The following PPARGC1A variants were observed in gnomAD, a reference collection of about 807,000 sequenced individuals.
PPARGC1A encodes the protein PPARG coactivator 1 alpha.
A neutral mutation model predicts 88.7 loss-of-function variants in PPARGC1A; 25 were observed. The observed-to-expected ratio is 0.28, with a 90% CI of 0.21 to 0.39. The LOEUF (loss-of-function observed/expected upper bound fraction) is 0.39. Among genes scored for constraint, PPARGC1A ranks in the 10% least tolerant of loss-of-function variants. The pLI, the probability that PPARGC1A is intolerant of heterozygous loss-of-function variation, is 1.00. For missense variants in PPARGC1A, 880 were observed against 968.7 expected (o/e 0.91, Z 1.22); for synonymous variants, 363 against 355.6 (o/e 1.02, Z -0.24).
the PPARGC1A span, among the ~76,000 whole-genome samples, chr4:24,171,490 C>A: frequency 2.0e-5 from 3 of 152,048 alleles, no homozygotes; most frequent in African/African-American, 7.2e-5. Flanking sequence ...GCATTTATCA[C>A]CACCAAACGT....
the PPARGC1A span, among the ~76,000 whole-genome samples, chr4:24,393,494 T>G: frequency 6.6e-6 from 1 of 152,338 alleles, no homozygotes; most frequent in South Asian, 2.1e-4. Context: ...GTAATAGTAT[T>G]AAATCAATTG....
At chr4:23,915,510 T>C in the PPARGC1A span, among the ~76,000 whole-genome samples, 1 of 152,236 alleles carries the variant, frequency 6.6e-6, no homozygotes, top group Non-Finnish European at 1.5e-5. Context: ...TTTTTCTTCA[T>C]AGCATTTATC....
At chr4:24,147,927 G>C in the PPARGC1A span, among the ~76,000 whole-genome samples, 3 of 152,190 alleles carry the variant, frequency 2.0e-5, no homozygotes, top group Non-Finnish European at 2.9e-5. Flanking sequence ...TTGGGCTACA[G>C]AGTGAGACTC....
At chr4:24,031,706 T>C in the PPARGC1A span, among the ~76,000 whole-genome samples, 6 of 152,128 alleles carry the variant, frequency 3.9e-5, no homozygotes, top group Non-Finnish European at 8.8e-5. Context: ...CACCCCTAAA[T>C]GTCCCTGGGT....
the PPARGC1A span, among the ~76,000 whole-genome samples, chr4:24,154,118 C>CA: frequency 0.059 from 8,964 of 152,242 alleles, 895 homozygotes; most frequent in African/African-American, 0.2. Flanking sequence ...CTTCCAAGGT[C>CA]AGGCCCAGTT....
the PPARGC1A span, among the ~76,000 whole-genome samples, chr4:24,026,271 A>C: frequency 3.3e-5 from 5 of 152,112 alleles, no homozygotes; most frequent in African/African-American, 1.2e-4. Flanking sequence ...ATTCATTTGC[A>C]TGATCTGTGG....
At chr4:24,031,917 A>G in the PPARGC1A span, among the ~76,000 whole-genome samples, 2 of 152,180 alleles carry the variant, frequency 1.3e-5, no homozygotes, top group East Asian at 3.9e-4. Flanking sequence ...CCTATGAGGA[A>G]GCTGAAGCCC....
the PPARGC1A span, among the ~76,000 whole-genome samples, chr4:24,392,026 T>G: frequency 2.0e-5 from 3 of 152,254 alleles, no homozygotes; most frequent in African/African-American, 7.2e-5. Flanking sequence ...TTCAATTCAC[T>G]TTGCCAGAGC....
Position 23,802,243 on chromosome 4 carries a change from C to T in PPARGC1A, c.2122G>A (p.Val708Ile), listed in dbSNP as rs753108878. Residue 708 changes from valine (V) to isoleucine (I), a missense_variant, in exon 11 of 13, where the codon GTA becomes ATA. By Grantham distance (29) the Val-to-Ile change is conservative. Coordinates refer to ENST00000264867, the MANE Select transcript of PPARGC1A (RefSeq NM_013261.5). ...TCTCACCCATCATCCCGCAGATTTA[C>T]TGTGCACTCCTCAATTTCACCAAAA... ...EVFGEIEECTVNLRDDGDSYG... is the reference protein window; with the variant it reads ...EVFGEIEECTINLRDDGDSYG... 15 of 1,613,978 alleles carry T rather than the reference C, an allele frequency of 9.3e-6. No homozygotes were observed. The highest frequency in any genetic ancestry group is 5.3e-5 in the African/African-American group (4 of 74,898).
the PPARGC1A span, among the ~76,000 whole-genome samples, chr4:23,930,610 G>A: frequency 1.3e-5 from 2 of 152,136 alleles, no homozygotes; most frequent in Admixed American, 1.3e-4. Flanking sequence ...TATCATTCAA[G>A]CTATGGGGAC....
At chr4:23,874,425 T>G (rs147026130) in intron 2 of PPARGC1A, among the ~76,000 whole-genome samples, 36 of 152,334 alleles carry the variant, frequency 2.4e-4, no homozygotes, top group African/African-American at 8.7e-4. Flanking sequence ...CAGCTGACAC[T>G]GGTTTGTATT....
the PPARGC1A span, among the ~76,000 whole-genome samples, chr4:24,226,167 G>A: frequency 6.6e-6 from 1 of 152,108 alleles, no homozygotes; most frequent in South Asian, 2.1e-4. Context: ...CCAGTGACAT[G>A]ATGATTTCCT....
chr4:24,294,359 A>T, the PPARGC1A span, among the ~76,000 whole-genome samples: 12 of 152,166 alleles, frequency 7.9e-5, no homozygotes, highest in Non-Finnish European at 1.5e-4. Context: ...TAAAATGTAT[A>T]TTACAGTTCC....
the PPARGC1A span, among the ~76,000 whole-genome samples, chr4:24,017,390 T>C: frequency 6.6e-6 from 1 of 152,040 alleles, no homozygotes; most frequent in South Asian, 2.1e-4. Flanking sequence ...AAATGAATGA[T>C]GAGGGTGAGT....
At chr4:23,940,777 T>C in the PPARGC1A span, among the ~76,000 whole-genome samples, 3 of 151,978 alleles carry the variant, frequency 2.0e-5, no homozygotes, top group Non-Finnish European at 4.4e-5. Context: ...TCACAAAGAG[T>C]CAGTGTGTAG....
At chr4:24,066,815 TG>T in the PPARGC1A span, among the ~76,000 whole-genome samples, 3 of 150,896 alleles carry the variant, frequency 2.0e-5, no homozygotes, top group Admixed American at 2.0e-4. Context: ...TAGACTTCCA[TG>T]GTTTTTTTGT....
chr4:24,429,348 T>C, the PPARGC1A span, among the ~76,000 whole-genome samples: 9 of 152,258 alleles, frequency 5.9e-5, no homozygotes, highest in South Asian at 1.0e-3. Context: ...CTTTGCTAGA[T>C]GCCAAAGACA....
the PPARGC1A span, among the ~76,000 whole-genome samples, chr4:23,984,978 T>C: frequency 2.8e-4 from 43 of 152,192 alleles, 1 homozygote; most frequent in South Asian, 2.3e-3. Flanking sequence ...CTATACGCAA[T>C]GCCATCTAAG....
the PPARGC1A span, among the ~76,000 whole-genome samples, chr4:24,396,921 A>C: frequency 7.9e-5 from 12 of 152,294 alleles, no homozygotes; most frequent in East Asian, 2.3e-3. Flanking sequence ...CTCCAGTTAC[A>C]AAATGGTACT....
Sources: allele counts gnomAD v4.1 joint callset (sites outside exome capture counted in the v4.1 genomes callset), GRCh38; gene constraint gnomAD v4.1.1; transcripts MANE v1.5; gene names NCBI Gene and HGNC (gene_info 2026-07-23, HGNC 2026-07-21).